The following SUGCT variants were observed in gnomAD, a reference collection of about 807,000 sequenced individuals.
SUGCT encodes the protein succinyl-CoA:glutarate-CoA transferase, also known as succinyl-CoA:glutarate CoA-transferase.
In SUGCT, 41 loss-of-function variants were observed where a neutral mutation model predicts 55.0. The observed-to-expected ratio is 0.74, with a 90% CI of 0.58 to 0.97. The LOEUF is 0.97. Ranked by LOEUF, SUGCT falls within the 50% of genes least tolerant of loss-of-function variation. The probability of loss-of-function intolerance (pLI) is 0.00; values close to 1 mark genes in which losing one functional copy is unlikely to be tolerated. For synonymous variants in SUGCT, 187 were observed against 200.4 expected (o/e 0.93, Z 0.56); for missense variants, 568 against 547.8 (o/e 1.04, Z -0.37).
chr7:40,571,107 C>T (rs1469122556), intron 12 of SUGCT, among the ~76,000 whole-genome samples: 1 of 151,996 alleles, frequency 6.6e-6, no homozygotes, highest in Non-Finnish European at 1.5e-5. Flanking sequence ...GATCAAAATA[C>T]CACATAAAGG....
chr7:40,216,528 A>G (rs1345581529), intron 6 of SUGCT, among the ~76,000 whole-genome samples: 1 of 150,326 alleles, frequency 6.7e-6, no homozygotes, highest in Non-Finnish European at 1.5e-5. Context: ...AAAAGAAAGC[A>G]TGATAGGACA....
At chr7:40,818,583 G>A (rs1215302644) in intron 13 of SUGCT, among the ~76,000 whole-genome samples, 3 of 152,136 alleles carry the variant, frequency 2.0e-5, no homozygotes, top group Non-Finnish European at 4.4e-5. Context: ...AAGTATATGT[G>A]TACCTGTGAG....
rs1468873788 is a variant in SUGCT, at chr7:40,712,174, G to A, written c.1090-37260G>A. Among the ~76,000 whole-genome samples the A allele has an allele frequency of 2.0e-5, 3 of 152,196 alleles. No homozygotes were observed. The East Asian group carries it at 5.8e-4, about 29-fold the overall frequency. On this transcript the variant is annotated intron_variant, in intron 12 of 13. Transcript: ENST00000335693. ...GGTTATGAATGATAGATCCATGTCT[G>A]AATATTCAAATTATTTGTATGGATT...
At chr7:40,719,876 A>G (rs890257906) in intron 12 of SUGCT, among the ~76,000 whole-genome samples, 6 of 151,904 alleles carry the variant, frequency 3.9e-5, no homozygotes, top group Non-Finnish European at 8.8e-5. Context: ...GTTCACTGCA[A>G]CCTCCACTTC....
intron 12 of SUGCT, among the ~76,000 whole-genome samples, chr7:40,690,180 G>A (rs1468007295): frequency 6.6e-6 from 1 of 152,172 alleles, no homozygotes; most frequent in Non-Finnish European, 1.5e-5. Flanking sequence ...CTTGGGATAT[G>A]GGCCAAGATG....
intron 13 of SUGCT, among the ~76,000 whole-genome samples, chr7:40,757,000 C>A (rs967466087): frequency 6.6e-6 from 1 of 152,042 alleles, no homozygotes; most frequent in Non-Finnish European, 1.5e-5. Flanking sequence ...TTCCCAAAGT[C>A]CTCAATTATT....
intron 12 of SUGCT, among the ~76,000 whole-genome samples, chr7:40,645,040 A>G (rs1258990537): frequency 6.6e-6 from 1 of 151,984 alleles, no homozygotes; most frequent in African/African-American, 2.4e-5. Context: ...TTTTAATCTC[A>G]TGAGTCAACA....
At chr7:40,496,188 A>T (rs1791962048) in intron 11 of SUGCT, 96 bp from the exon 12 acceptor site, 2 of 721,942 alleles carry the variant, frequency 2.8e-6, no homozygotes, top group Non-Finnish European at 4.7e-6. Context: ...ACATAGTTTT[A>T]TGACTATTGC....
At chr7:40,540,242 A>G (rs1350053866) in intron 12 of SUGCT, among the ~76,000 whole-genome samples, 1 of 152,200 alleles carries the variant, frequency 6.6e-6, no homozygotes, top group Admixed American at 6.5e-5. Flanking sequence ...GGTGGAGAAT[A>G]ATGGGAATAA....
chr7:40,516,771 C>G (rs542349842), intron 12 of SUGCT, among the ~76,000 whole-genome samples: 1 of 152,190 alleles, frequency 6.6e-6, no homozygotes, highest in African/African-American at 2.4e-5. Context: ...GTCTGTACCT[C>G]ATTTTTCTTC....
chr7:40,502,276 G>A (rs562503296), intron 12 of SUGCT, among the ~76,000 whole-genome samples: 3 of 152,056 alleles, frequency 2.0e-5, no homozygotes, highest in Middle Eastern at 6.8e-3. Flanking sequence ...CTTTGAACTT[G>A]CAAGCCAAAG....
chr7:40,875,376 CAA>C, the SUGCT span, among the ~76,000 whole-genome samples: 1 of 152,276 alleles, frequency 6.6e-6, no homozygotes, highest in East Asian at 1.9e-4. Flanking sequence ...GTCTAAAGTT[CAA>C]AAGGTGGCAG....
intron 12 of SUGCT, among the ~76,000 whole-genome samples, chr7:40,532,377 G>A (rs1433115298): frequency 6.6e-6 from 1 of 152,148 alleles, no homozygotes; most frequent in Non-Finnish European, 1.5e-5. Flanking sequence ...ATTCCCCTAA[G>A]GAGAGGCCTA....
At chr7:40,867,182 CATAT>C in the SUGCT span, among the ~76,000 whole-genome samples, 1 of 148,590 alleles carries the variant, frequency 6.7e-6, no homozygotes, top group Non-Finnish European at 1.5e-5. Context: ...GAACTCTCCC[CATAT>C]ATATATTTAT....
At chr7:40,429,267 A>G (rs1028778796) in intron 9 of SUGCT, among the ~76,000 whole-genome samples, 1 of 152,124 alleles carries the variant, frequency 6.6e-6, no homozygotes, top group Admixed American at 6.6e-5. Context: ...GCTATTTTGT[A>G]TCCTCTGAAC....
chr7:40,938,119 ACTG>A, the SUGCT span, among the ~76,000 whole-genome samples: 1 of 152,174 alleles, frequency 6.6e-6, no homozygotes, highest in Non-Finnish European at 1.5e-5. Flanking sequence ...TAGGCCACGG[ACTG>A]CTACCAGCCT....
chr7:40,939,357 A>T, the SUGCT span, among the ~76,000 whole-genome samples: 1 of 152,184 alleles, frequency 6.6e-6, no homozygotes, highest in South Asian at 2.1e-4. Flanking sequence ...TTATGGGTGT[A>T]GAATTCAAGA....
intron 13 of SUGCT, among the ~76,000 whole-genome samples, chr7:40,857,325 C>T (rs1314621519): frequency 1.3e-5 from 2 of 152,116 alleles, no homozygotes; most frequent in East Asian, 3.9e-4. Flanking sequence ...TATTATTGCA[C>T]AGGGTTGCAA....
At chr7:40,716,896 A>G (rs1146039) in intron 12 of SUGCT, among the ~76,000 whole-genome samples, 8,779 of 152,212 alleles carry the variant, frequency 0.058, 797 homozygotes, top group African/African-American at 0.2. Context: ...ACTGTGATAT[A>G]CCATGAATTG....
Sources: gnomAD v4.1 joint callset for allele counts (sites outside exome capture counted in the v4.1 genomes callset) on GRCh38, gnomAD v4.1.1 for gene constraint, MANE v1.5 for transcripts, NCBI Gene and HGNC (gene_info 2026-07-23, HGNC 2026-07-21) for gene names.